The following DIAPH3 variants were observed in gnomAD, a reference collection of about 807,000 sequenced individuals.
DIAPH3 encodes diaphanous related formin 3, also known as protein diaphanous homolog 3.
Under a neutral mutation model 144.3 loss-of-function variants are expected in DIAPH3, and 117 were observed. That is an observed-to-expected ratio of 0.81 (90% CI 0.70 to 0.95). DIAPH3 has a LOEUF of 0.95. Among genes scored for constraint, DIAPH3 ranks in the 40% least tolerant of loss-of-function variants. DIAPH3 has a pLI of 0.00. For synonymous variants in DIAPH3, 519 were observed against 488.9 expected, an observed-to-expected ratio of 1.06 and a Z score of -0.81; for missense variants, 1,421 against 1,412.7, an observed-to-expected ratio of 1.01 and a Z score of -0.09.
intron 20 of DIAPH3, among the ~76,000 whole-genome samples, chr13:59,907,431 G>A (rs1184777554): frequency 2.0e-5 from 3 of 152,038 alleles, no homozygotes; most frequent in Non-Finnish European, 2.9e-5. Context: ...TTAAATGAGA[G>A]TTTATTGGAT....
intron 22 of DIAPH3, among the ~76,000 whole-genome samples, chr13:59,851,755 T>C (rs1471884488): frequency 6.6e-6 from 1 of 151,596 alleles, no homozygotes; most frequent in African/African-American, 2.4e-5. Flanking sequence ...CCCCAGTAGC[T>C]GATATTACAC....
At chr13:59,862,229 C>CA (rs1370385249) in intron 21 of DIAPH3, among the ~76,000 whole-genome samples, 1 of 152,000 alleles carries the variant, frequency 6.6e-6, no homozygotes, top group Non-Finnish European at 1.5e-5. Context: ...TTAGGGAAGG[C>CA]ATGTAGGGAC....
intron 21 of DIAPH3, among the ~76,000 whole-genome samples, chr13:59,870,638 T>C (rs891029566): frequency 6.6e-6 from 1 of 151,138 alleles, no homozygotes; most frequent in Non-Finnish European, 1.5e-5. Flanking sequence ...TTAGATCTTC[T>C]TTGATTTTTT....
At chr13:60,010,756 T>C in intron 7 of DIAPH3, 87 bp from the exon 8 acceptor site, 1 of 1,331,016 alleles carries the variant, frequency 7.5e-7, no homozygotes, top group Non-Finnish European at 1.0e-6. Context: ...TTAAAAAAAA[T>C]TTATAGGACA....
chr13:59,960,328 C>T (rs768149865), intron 17 of DIAPH3, among the ~76,000 whole-genome samples: 4 of 152,090 alleles, frequency 2.6e-5, no homozygotes, highest in East Asian at 1.9e-4. Flanking sequence ...GTGAAGGCTG[C>T]GATTGTCAAA....
chr13:59,852,148 C>A (rs2043012209), intron 22 of DIAPH3, among the ~76,000 whole-genome samples: 1 of 152,086 alleles, frequency 6.6e-6, no homozygotes, highest in African/African-American at 2.4e-5. Flanking sequence ...AAGAAGCCAC[C>A]ATCACAGTGG....
At chr13:59,843,821 A>G (rs1375246462) in intron 22 of DIAPH3, among the ~76,000 whole-genome samples, 1 of 152,226 alleles carries the variant, frequency 6.6e-6, no homozygotes, top group East Asian at 1.9e-4. Flanking sequence ...GGGCTAAGAA[A>G]ATGTATGCCA....
intron 1 of DIAPH3, among the ~76,000 whole-genome samples, chr13:60,162,807 T>TCACACA (rs573161924): frequency 2.9e-3 from 372 of 128,008 alleles, no homozygotes; most frequent in African/African-American, 9.4e-3. Flanking sequence ...TCTCTCTCTC[T>TCACACA]CTCACACACA....
chr13:59,691,135 G>A (rs2033495874), intron 27 of DIAPH3, among the ~76,000 whole-genome samples: 1 of 152,256 alleles, frequency 6.6e-6, no homozygotes, highest in East Asian at 1.9e-4. Context: ...AATGATGGCA[G>A]CAACACACAG....
intron 17 of DIAPH3, among the ~76,000 whole-genome samples, chr13:59,957,389 C>A (rs1476826964): frequency 1.3e-5 from 2 of 152,152 alleles, no homozygotes; most frequent in African/African-American, 4.8e-5. Context: ...TTATAAAGAT[C>A]AGTTCCCCTT....
chr13:59,844,367 G>T (rs1165267972), intron 22 of DIAPH3, among the ~76,000 whole-genome samples: 4 of 151,890 alleles, frequency 2.6e-5, no homozygotes, highest in Non-Finnish European at 5.9e-5. Flanking sequence ...AGCCAGGCGT[G>T]GTGGCGAGCG....
At chr13:59,752,631 G>T (rs376451974) in intron 27 of DIAPH3, among the ~76,000 whole-genome samples, 1 of 152,242 alleles carries the variant, frequency 6.6e-6, no homozygotes, top group East Asian at 1.9e-4. Context: ...GACTTCCAAA[G>T]TGCTGGGATT....
At chr13:59,917,395 T>C (rs1439145438) in intron 18 of DIAPH3, among the ~76,000 whole-genome samples, 3 of 152,198 alleles carry the variant, frequency 2.0e-5, no homozygotes, top group Non-Finnish European at 4.4e-5. Flanking sequence ...TTCTTTTCTG[T>C]ATTGAGGTTG....
chr13:60,025,404 C>CAA (rs370177105), intron 5 of DIAPH3, among the ~76,000 whole-genome samples: 3,594 of 67,946 alleles, frequency 0.053, 223 homozygotes, highest in African/African-American at 0.13. Flanking sequence ...TTGTGCTTAG[C>CAA]AAAAAAAAAA....
chr13:60,096,634 A>T (rs1487038455), intron 3 of DIAPH3, among the ~76,000 whole-genome samples: 8 of 152,200 alleles, frequency 5.3e-5, no homozygotes, highest in African/African-American at 1.7e-4. Context: ...GGCAGGCACC[A>T]TCTAATCAGC....
intron 13 of DIAPH3, among the ~76,000 whole-genome samples, chr13:59,982,953 G>C (rs1352240866): frequency 1.3e-5 from 2 of 151,432 alleles, no homozygotes; most frequent in Non-Finnish European, 3.0e-5. Flanking sequence ...AAAAGCAGCA[G>C]ATACAAGTTT....
At chr13:59,818,103 T>C (rs145151893) in intron 24 of DIAPH3, among the ~76,000 whole-genome samples, 2 of 152,100 alleles carry the variant, frequency 1.3e-5, no homozygotes, top group East Asian at 1.9e-4. Flanking sequence ...TACTGGTACA[T>C]AGCCACAGCC....
intron 1 of DIAPH3, among the ~76,000 whole-genome samples, chr13:60,137,544 T>C (rs1594759340): frequency 6.6e-6 from 1 of 152,234 alleles, no homozygotes; most frequent in East Asian, 1.9e-4. Context: ...AATTTTATGT[T>C]TTCTTTCATT....
chr13:59,959,727 C>A, intron 17 of DIAPH3, among the ~76,000 whole-genome samples: 1 of 152,060 alleles, frequency 6.6e-6, no homozygotes. Context: ...AGAACATGGT[C>A]CTGTTGATTT....
Sources: gnomAD v4.1 joint callset for allele counts (sites outside exome capture counted in the v4.1 genomes callset) on GRCh38, gnomAD v4.1.1 for gene constraint, MANE v1.5 for transcripts, NCBI Gene and HGNC (gene_info 2026-07-23, HGNC 2026-07-21) for gene names.